Variants in PDZRN3 observed in about 807,000 individuals in gnomAD.
PDZRN3 encodes the protein E3 ubiquitin-protein ligase PDZRN3.
PDZRN3 carries 38 observed loss-of-function variants against 85.7 expected under a neutral mutation model. The ratio of observed to expected loss-of-function variants is 0.44; its 90% CI spans 0.34 to 0.58. The LOEUF (loss-of-function observed/expected upper bound fraction) is 0.58, where lower values mean the gene tolerates loss of function less well. Ranked by LOEUF, PDZRN3 falls within the 20% of genes least tolerant of loss-of-function variation. The pLI, the probability that PDZRN3 is intolerant of heterozygous loss-of-function variation, is 0.01. For missense variants in PDZRN3, 1,629 were observed against 1,506.4 expected (o/e 1.08, Z -1.35); for synonymous variants, 759 against 638.0 (o/e 1.19, Z -2.86).
At chr3:73,396,127 G>A (rs1218554881) in intron 5 of PDZRN3, among the ~76,000 whole-genome samples, 1 of 152,152 alleles carries the variant, frequency 6.6e-6, no homozygotes. Flanking sequence ...GGAAGCTGAG[G>A]CAGGTGAATT....
At chr3:73,587,884 C>T (rs1702299914) in intron 3 of PDZRN3, among the ~76,000 whole-genome samples, 1 of 152,180 alleles carries the variant, frequency 6.6e-6, no homozygotes, top group Non-Finnish European at 1.5e-5. Context: ...ATCTCTAACC[C>T]ATCTGCTTAC....
At chr3:73,619,973 T>C (rs1167262134) in intron 1 of PDZRN3, among the ~76,000 whole-genome samples, 1 of 152,184 alleles carries the variant, frequency 6.6e-6, no homozygotes, top group Non-Finnish European at 1.5e-5. Flanking sequence ...TGTCCACAAA[T>C]ACTGTTGATA....
chr3:73,590,090 G>A (rs1702334236), intron 3 of PDZRN3, among the ~76,000 whole-genome samples: 2 of 151,724 alleles, frequency 1.3e-5, no homozygotes, highest in Admixed American at 6.6e-5. Context: ...AAAACATGGC[G>A]ACACCCCATC....
At chr3:73,602,559 G>T in intron 2 of PDZRN3, 98 bp from the exon 3 acceptor site, 1 of 690,678 alleles carries the variant, frequency 1.4e-6, no homozygotes. Flanking sequence ...CTCTTGCTGT[G>T]TCAAGAGTGG....
chr3:73,455,890 T>C (rs1250159504), intron 3 of PDZRN3, among the ~76,000 whole-genome samples: 1 of 152,210 alleles, frequency 6.6e-6, no homozygotes, highest in African/African-American at 2.4e-5. Context: ...GGTAATTCCA[T>C]GTCCATGCAC....
Position 73,384,229 on chromosome 3 carries a change from C to T in PDZRN3, c.2337G>A (p.Leu779=), listed in dbSNP as rs1343869786. ...LTLEISPDNS[L]RRAAEGISCP... ...AGCTGATGCCCTCCGCCGCTCTCCTCAAGGAGTTGTCGGGGGAGATCTCCA... is the reference window on the plus strand; with the variant it reads ...AGCTGATGCCCTCCGCCGCTCTCCTTAAGGAGTTGTCGGGGGAGATCTCCA... Residue 779 remains leucine (L), a synonymous_variant, in exon 10 of 10, where the codon TTG becomes TTA. Transcript: ENST00000263666. 3 of 1,613,734 alleles carry T rather than the reference C, an allele frequency of 1.9e-6. No individual in the cohort carries two copies. Among genetic ancestry groups the T allele is most frequent in the Non-Finnish European group, 2.5e-6 (3 of 1,179,998 alleles).
Position 73,574,834 on chromosome 3 carries a change from A to G in PDZRN3, c.918+27520T>C, listed in dbSNP as rs981931185. ...TACAACAAATTCAACTTCCCCCCTC[A>G]TCTAGCCCCTTTCCGTCTCTGGCAG... On this transcript the variant is annotated intron_variant, in intron 3 of 9. Transcript: ENST00000263666. Among the ~76,000 whole-genome samples the G allele has an allele frequency of 2.6e-5, 4 of 152,266 alleles. No individual in the cohort carries two copies. The East Asian group carries it at 7.7e-4, about 29-fold the overall frequency.
At chr3:73,399,945 G>A (rs2106717448) in intron 5 of PDZRN3, among the ~76,000 whole-genome samples, 1 of 152,312 alleles carries the variant, frequency 6.6e-6, no homozygotes, top group Non-Finnish European at 1.5e-5. Context: ...GTAACTTTAA[G>A]TTGAGGAACA....
At chr3:73,565,860 A>G (rs1263429910) in intron 3 of PDZRN3, among the ~76,000 whole-genome samples, 1 of 151,972 alleles carries the variant, frequency 6.6e-6, no homozygotes, top group African/African-American at 2.4e-5. Flanking sequence ...ATAAAAAAAA[A>G]ATTCCCTATT....
At chr3:73,429,298 T>G (rs1559675063) in intron 3 of PDZRN3, among the ~76,000 whole-genome samples, 1 of 152,184 alleles carries the variant, frequency 6.6e-6, no homozygotes, top group Admixed American at 6.5e-5. Flanking sequence ...TTAGAATTAA[T>G]AGGCTGTTTA....
chr3:73,433,565 C>A, intron 3 of PDZRN3: 1 of 982,660 alleles, frequency 1.0e-6, no homozygotes, highest in Non-Finnish European at 1.5e-6. Context: ...AAAATCCCCA[C>A]TACCTTTCCT....
intron 3 of PDZRN3, among the ~76,000 whole-genome samples, chr3:73,420,831 T>C (rs971553146): frequency 3.3e-5 from 5 of 152,160 alleles, no homozygotes; most frequent in African/African-American, 1.2e-4. Flanking sequence ...TCTTCCCAAA[T>C]CCATGAATTC....
intron 3 of PDZRN3, among the ~76,000 whole-genome samples, chr3:73,577,319 T>C (rs904557955): frequency 6.6e-6 from 1 of 152,190 alleles, no homozygotes; most frequent in African/African-American, 2.4e-5. Context: ...TTTACTCACT[T>C]ATGTTTTACA....
intron 3 of PDZRN3, among the ~76,000 whole-genome samples, chr3:73,425,425 CA>C (rs1702293495): frequency 6.6e-6 from 1 of 152,068 alleles, no homozygotes; most frequent in East Asian, 1.9e-4. Flanking sequence ...GTGTGGCGCA[CA>C]GTGTTTAAAC....
chr3:73,524,083 A>G (rs1280551398), intron 3 of PDZRN3, among the ~76,000 whole-genome samples: 1 of 152,186 alleles, frequency 6.6e-6, no homozygotes, highest in Admixed American at 6.5e-5. Flanking sequence ...TCCTTTCACA[A>G]GGCACTATAT....
At chr3:73,595,645 ATTT>A (rs992774918) in intron 3 of PDZRN3, among the ~76,000 whole-genome samples, 77 of 152,298 alleles carry the variant, frequency 5.1e-4, no homozygotes, top group African/African-American at 1.8e-3. Flanking sequence ...TTCACCAATA[ATTT>A]TTTAATTCAC....
intron 3 of PDZRN3, among the ~76,000 whole-genome samples, chr3:73,450,464 T>C (rs555477375): frequency 4.6e-5 from 7 of 152,226 alleles, no homozygotes; most frequent in African/African-American, 1.7e-4. Flanking sequence ...GTGCAGCCAA[T>C]AGATATCGAG....
chr3:73,609,758 T>G (rs1161565744), intron 1 of PDZRN3, among the ~76,000 whole-genome samples: 1 of 152,240 alleles, frequency 6.6e-6, no homozygotes, highest in East Asian at 1.9e-4. Context: ...TGTTCAAACT[T>G]TTGTCTTCTA....
intron 3 of PDZRN3, among the ~76,000 whole-genome samples, chr3:73,462,388 A>G (rs189261915): frequency 1.1e-3 from 170 of 151,052 alleles, no homozygotes; most frequent in African/African-American, 4.0e-3. Flanking sequence ...CTAAAAATAC[A>G]AAAAAAATTA....
Sources: allele counts gnomAD v4.1 joint callset (sites outside exome capture counted in the v4.1 genomes callset), GRCh38; gene constraint gnomAD v4.1.1; transcripts MANE v1.5; gene names NCBI Gene and HGNC (gene_info 2026-07-23, HGNC 2026-07-21).